The following C2CD3 variants were observed in gnomAD, a reference collection of about 807,000 sequenced individuals.
The protein encoded by C2CD3 is C2 domain-containing protein 3.
A neutral mutation model predicts 234.0 loss-of-function variants in C2CD3; 148 were observed. That is an observed-to-expected ratio of 0.63 (90% CI 0.55 to 0.72). C2CD3 has a LOEUF of 0.72. C2CD3 is among the 30% of genes least tolerant of loss of function. The pLI is 0.00. For synonymous variants in C2CD3, 1,000 were observed against 1,035.4 expected, an observed-to-expected ratio of 0.97 and a Z score of 0.66; for missense variants, 2,577 against 2,811.5, an observed-to-expected ratio of 0.92 and a Z score of 1.89.
intron 26 of C2CD3, among the ~76,000 whole-genome samples, chr11:74,052,441 CAT>C (rs1275063377): frequency 6.6e-6 from 1 of 152,150 alleles, no homozygotes; most frequent in African/African-American, 2.4e-5. Flanking sequence ...ATTCGGGCCA[CAT>C]AGTTATTATA....
intron 22 of C2CD3, among the ~76,000 whole-genome samples, chr11:74,082,814 AT>A (rs1408436032): frequency 1.3e-5 from 2 of 152,234 alleles, no homozygotes; most frequent in African/African-American, 4.8e-5. Flanking sequence ...ATGGAAGAAC[AT>A]TCCATGCTCA....
intron 22 of C2CD3, among the ~76,000 whole-genome samples, chr11:74,080,171 C>T (rs1256542513): frequency 6.6e-6 from 1 of 152,100 alleles, no homozygotes; most frequent in Non-Finnish European, 1.5e-5. Flanking sequence ...ATATTCACAG[C>T]AATTTTCTGC....
At chr11:74,053,426 G>A (rs1290982631) in intron 26 of C2CD3, among the ~76,000 whole-genome samples, 1 of 152,142 alleles carries the variant, frequency 6.6e-6, no homozygotes, top group African/African-American at 2.4e-5. Flanking sequence ...TTTACCCAAG[G>A]TCACACTGCT....
At chr11:74,139,583 T>C in intron 4 of C2CD3, 22 bp downstream of exon 4, 2 of 1,467,512 alleles carry the variant, frequency 1.4e-6, no homozygotes, top group Non-Finnish European at 9.6e-7. Flanking sequence ...ACAGATTGAC[T>C]GGTATTAGGT....
intron 32 of C2CD3, among the ~76,000 whole-genome samples, chr11:74,023,328 C>A (rs1952164427): frequency 6.6e-6 from 1 of 152,232 alleles, no homozygotes; most frequent in Non-Finnish European, 1.5e-5. Flanking sequence ...AAGAGCCCTG[C>A]AGCCTCTCAA....
chr11:74,082,739 A>G (rs1955446741), intron 22 of C2CD3, among the ~76,000 whole-genome samples: 2 of 152,170 alleles, frequency 1.3e-5, no homozygotes, highest in African/African-American at 4.8e-5. Context: ...TACAAGGGAC[A>G]TGAAGGACCT....
intron 7 of C2CD3, among the ~76,000 whole-genome samples, chr11:74,131,401 A>G (rs1250486376): frequency 6.6e-6 from 1 of 151,740 alleles, no homozygotes; most frequent in Non-Finnish European, 1.5e-5. Context: ...GATCACATAT[A>G]TTGAATTTCA....
intron 29 of C2CD3, among the ~76,000 whole-genome samples, chr11:74,041,027 A>C (rs922772392): frequency 7.9e-5 from 12 of 151,126 alleles, no homozygotes. Context: ...ACTGACAAAC[A>C]TGATTATCTG....
chr11:74,132,309 C>T (rs945706611), intron 7 of C2CD3, among the ~76,000 whole-genome samples: 3 of 152,130 alleles, frequency 2.0e-5, no homozygotes, highest in Non-Finnish European at 4.4e-5. Context: ...TGAGACTGTA[C>T]CATGGCACTC....
intron 8 of C2CD3, among the ~76,000 whole-genome samples, chr11:74,121,350 T>C (rs1399002172): frequency 1.3e-5 from 2 of 152,146 alleles, no homozygotes; most frequent in East Asian, 3.8e-4. Context: ...CTCACACCTG[T>C]AATCCCAGCA....
In C2CD3 at chr11:74,123,078, TGGG is replaced by T. The variant is rs760575386; in HGVS notation, c.1272_1274del (p.Pro425del). 16 of 1,612,698 alleles carry T rather than the reference TGGG, an allele frequency of 9.9e-6. No individual in the cohort carries two copies. The highest frequency in any genetic ancestry group is 1.4e-5 in the Non-Finnish European group (16 of 1,178,696). Reference sequence around the variant, plus strand: ...TGCAATACACATCACTCCCAGGAGATGGGGAATCTGGAGGAGAGCCTAGCCCAT... The same window carrying T: ...TGCAATACACATCACTCCCAGGAGATGAATCTGGAGGAGAGCCTAGCCCAT... On this transcript the variant is annotated inframe_deletion, in exon 8 of 33. Coordinates refer to ENST00000334126, the MANE Select transcript of C2CD3 (RefSeq NM_001286577.2).
At chr11:74,051,146 A>T (rs1179895569) in intron 26 of C2CD3, among the ~76,000 whole-genome samples, 4 of 150,952 alleles carry the variant, frequency 2.6e-5, no homozygotes, top group African/African-American at 9.9e-5. Flanking sequence ...AAAACAAAAA[A>T]TTTGTGGGGT....
intron 32 of C2CD3, among the ~76,000 whole-genome samples, chr11:74,027,490 G>A (rs554949417): frequency 1.6e-4 from 24 of 152,268 alleles, no homozygotes; most frequent in African/African-American, 5.8e-4. Context: ...CAAAGTACTT[G>A]GAACAGTGCC....
At chr11:74,058,869 T>C (rs1954080802) in intron 24 of C2CD3, among the ~76,000 whole-genome samples, 1 of 152,096 alleles carries the variant, frequency 6.6e-6, no homozygotes, top group Non-Finnish European at 1.5e-5. Flanking sequence ...TTTACTTCCT[T>C]GGTTGCACTA....
chr11:74,127,567 T>C (rs182932557), intron 7 of C2CD3, among the ~76,000 whole-genome samples: 1 of 152,328 alleles, frequency 6.6e-6, no homozygotes, highest in African/African-American at 2.4e-5. Flanking sequence ...ATGTTGTAGT[T>C]TCCCTTGGGT....
rs1188973165 is a variant in C2CD3 at position 74,066,272 on chromosome 11, G to GAACATCACACACTGGGGCCTGTCGT, written c.4951+7980_4951+7981insACGACAGGCCCCAGTGTGTGATGTT. 2.2e-3 allele frequency among the ~76,000 whole-genome samples: 124 copies of GAACATCACACACTGGGGCCTGTCGT among 57,210 alleles called. 2 individuals carry two copies. Among genetic ancestry groups the GAACATCACACACTGGGGCCTGTCGT allele is most frequent in the African/African-American group, 2.4e-3 (32 of 13,336 alleles). 37.5% of individuals were successfully genotyped at this position (57,210 alleles called of 152,430 possible). A position where few individuals can be genotyped will look rare whatever the true frequency, so the allele number is the denominator to read the frequency against. ...TGAGAACACTTGGACACAGGAGGGG[G>GAACATCACACACTGGGGCCTGTCGT]GAGGGATAGTGTTAGGAGATATACC... On this transcript the variant is annotated intron_variant, in intron 24 of 32. Transcript: ENST00000334126.
At chr11:74,169,339 TA>T (rs1056608840) in intron 1 of C2CD3, among the ~76,000 whole-genome samples, 4 of 152,242 alleles carry the variant, frequency 2.6e-5, no homozygotes, top group African/African-American at 9.6e-5. Context: ...CATGACTTTC[TA>T]AAAAATTTTC....
At chr11:74,114,895 T>C (rs2950409) in intron 9 of C2CD3, among the ~76,000 whole-genome samples, 3,118 of 151,998 alleles carry the variant, frequency 0.021, 116 homozygotes, top group African/African-American at 0.071. Context: ...AGAGATGAGA[T>C]ATTACTATGT....
chr11:74,103,115 G>A lies in C2CD3; in HGVS notation c.2580+16C>T, dbSNP rs377021854. The A allele has an allele frequency of 1.9e-6, 3 of 1,599,270 alleles. No homozygotes were observed. Among genetic ancestry groups the A allele is most frequent in the Non-Finnish European group, 2.6e-6 (3 of 1,171,458 alleles). ...CCCCTATATTCCTCTAATGGATATGGAATGTACAAAGTTACCTGAGAAAAG... is the reference window on the plus strand; with the variant it reads ...CCCCTATATTCCTCTAATGGATATGAAATGTACAAAGTTACCTGAGAAAAG... On this transcript the variant is annotated intron_variant, in intron 14 of 32. Coordinates refer to ENST00000334126, the MANE Select transcript of C2CD3 (RefSeq NM_001286577.2).
Sources: allele counts gnomAD v4.1 joint callset (sites outside exome capture counted in the v4.1 genomes callset), GRCh38; gene constraint gnomAD v4.1.1; transcripts MANE v1.5; gene names NCBI Gene and HGNC (gene_info 2026-07-23, HGNC 2026-07-21).